The following VWF variants were observed in gnomAD, a reference collection of about 807,000 sequenced individuals.
VWF encodes Factor VIII related antigen.
A neutral mutation model predicts 308.6 loss-of-function variants in VWF; 176 were observed. The ratio of observed to expected loss-of-function variants is 0.57; its 90% CI spans 0.50 to 0.65. The LOEUF (loss-of-function observed/expected upper bound fraction) is 0.65, where lower values mean the gene tolerates loss of function less well. VWF is among the 30% of genes least tolerant of loss of function. The pLI is 0.00. For missense variants in VWF, 3,146 were observed against 3,648.2 expected (o/e 0.86, Z 3.55); for synonymous variants, 1,385 against 1,443.4 (o/e 0.96, Z 0.92).
chr12:6,031,421 G>A (rs1166408520), intron 21 of VWF, 23 bp downstream of exon 21: 4 of 1,613,982 alleles, frequency 2.5e-6, no homozygotes, highest in Non-Finnish European at 2.5e-6. Flanking sequence ...GGGACATGAG[G>A]GTGGAGATGA....
At chr12:6,016,266 A>G (rs920610027) in intron 30 of VWF, 34 bp from the exon 31 acceptor site, 5 of 1,614,224 alleles carry the variant, frequency 3.1e-6, no homozygotes, top group African/African-American at 1.3e-5. Flanking sequence ...CCAAGTCAGT[A>G]CTGACTGCGG....
chr12:6,023,509 C>T, intron 25 of VWF, 122 bp downstream of exon 25: 2 of 1,445,780 alleles, frequency 1.4e-6, no homozygotes, highest in Non-Finnish European at 1.9e-6. Context: ...GCCATCCAGT[C>T]CCTACTAACA....
chr12:6,057,786 C>A, intron 14 of VWF, 63 bp downstream of exon 14: 1 of 1,519,770 alleles, frequency 6.6e-7, no homozygotes, highest in East Asian at 2.3e-5. Flanking sequence ...CCGGAACGCA[C>A]TGCACTAATG....
chr12:5,994,661 T>G, intron 35 of VWF, 54 bp from the exon 36 acceptor site: 2 of 1,568,096 alleles, frequency 1.3e-6, no homozygotes, highest in Non-Finnish European at 1.8e-6. Context: ...GAATCCTAGG[T>G]TTTTAGGGAA....
chr12:5,969,076 G>A (rs1943438547), intron 45 of VWF, 135 bp downstream of exon 45: 1 of 955,570 alleles, frequency 1.0e-6, no homozygotes, highest in Admixed American at 2.2e-5. Flanking sequence ...AAAAGCAGTA[G>A]GAGCAGATGG....
At chr12:6,044,063 C>G (rs1037854161) in intron 18 of VWF, among the ~76,000 whole-genome samples, 2 of 152,124 alleles carry the variant, frequency 1.3e-5, no homozygotes, top group Non-Finnish European at 2.9e-5. Context: ...TTTGTCAGAT[C>G]CTGTGAGGAT....
At chr12:6,029,221 T>C in intron 22 of VWF, 121 bp downstream of exon 22, 1 of 1,262,146 alleles carries the variant, frequency 7.9e-7, no homozygotes, top group Non-Finnish European at 1.1e-6. Flanking sequence ...CCTAAATATA[T>C]ATGCACCCAA....
chr12:6,048,694 C>G (rs886186472), intron 16 of VWF, among the ~76,000 whole-genome samples: 1 of 150,106 alleles, frequency 6.7e-6, no homozygotes, highest in Non-Finnish European at 1.5e-5. Context: ...AACTCCTGAC[C>G]TCAAGTGATC....
intron 5 of VWF, among the ~76,000 whole-genome samples, chr12:6,100,442 C>T (rs371341804): frequency 1.0e-4 from 15 of 150,182 alleles, no homozygotes; most frequent in African/African-American, 3.0e-4. Flanking sequence ...CACATGCACA[C>T]GTGTGTTTAT....
At chr12:5,987,399 C>T (rs1204630465) in intron 38 of VWF, among the ~76,000 whole-genome samples, 1 of 152,126 alleles carries the variant, frequency 6.6e-6, no homozygotes, top group Non-Finnish European at 1.5e-5. Context: ...AACTGAGACA[C>T]CAAGAAGTTA....
intron 42 of VWF, among the ~76,000 whole-genome samples, chr12:5,978,134 T>C (rs1200281684): frequency 3.3e-5 from 5 of 149,436 alleles, no homozygotes; most frequent in Non-Finnish European, 7.4e-5. Flanking sequence ...TTTATAATAA[T>C]TATATGATAT....
chr12:5,953,134 G>A (rs1943212480), intron 48 of VWF, among the ~76,000 whole-genome samples: 1 of 152,126 alleles, frequency 6.6e-6, no homozygotes, highest in Non-Finnish European at 1.5e-5. Context: ...GGCTGAGACA[G>A]GGAAATCGCT....
At chr12:5,968,025 T>G in intron 46 of VWF, 102 bp downstream of exon 46, 1 of 1,529,622 alleles carries the variant, frequency 6.5e-7, no homozygotes, top group Non-Finnish European at 9.0e-7. Flanking sequence ...GTCTCTCTGG[T>G]TTCCTTCATT....
At chr12:6,123,100 C>T (rs372733785) in intron 2 of VWF, 42 bp downstream of exon 2, 25 of 1,613,052 alleles carry the variant, frequency 1.5e-5, no homozygotes, top group Middle Eastern at 1.7e-4. Flanking sequence ...CTCCAGATGG[C>T]CCTGGGGCAG....
At chr12:6,100,470 T>C (rs1373762032) in intron 5 of VWF, among the ~76,000 whole-genome samples, 4 of 151,202 alleles carry the variant, frequency 2.6e-5, no homozygotes, top group Non-Finnish European at 5.9e-5. Flanking sequence ...CTATTCACAA[T>C]AGCAAAGACT....
chr12:6,068,570 C>T (rs1944744649), intron 10 of VWF, among the ~76,000 whole-genome samples: 1 of 151,926 alleles, frequency 6.6e-6, no homozygotes, highest in Admixed American at 6.6e-5. Flanking sequence ...CCGGGGCTCT[C>T]ACAATTCTCC....
intron 50 of VWF, among the ~76,000 whole-genome samples, chr12:5,950,748 G>C (rs1300993987): frequency 2.6e-5 from 4 of 151,992 alleles, no homozygotes; most frequent in African/African-American, 9.7e-5. Flanking sequence ...CCTTATTAAA[G>C]ATCTCGAAGC....
rs1021553686 is a variant in VWF, at chr12:6,063,969, C to G, written c.1432+277G>C. ...CCTTTGGTTCAAGCCAAATAAAAAT[C>G]CTCTCGGTTCCCTTTTCCCATCTAC... On this transcript the variant is annotated intron_variant, in intron 12 of 51. Coordinates refer to ENST00000261405, the MANE Select transcript of VWF (RefSeq NM_000552.5). This position sits in a 1 kb window ranked among gnomAD's most constrained non-coding sequence, Gnocchi z 4.9. Among the ~76,000 whole-genome samples, 2 of 151,902 alleles carry G rather than the reference C, an allele frequency of 1.3e-5. No homozygotes were observed. Among genetic ancestry groups the G allele is most frequent in the Non-Finnish European group, 2.9e-5 (2 of 67,946 alleles).
At position 6,063,370 on chromosome 12, in the gene VWF, AG is replaced by A. The variant is rs1265044465; in HGVS notation, c.1433-317del. On this transcript the variant is annotated intron_variant, in intron 12 of 51. Transcript: ENST00000261405. The surrounding 1 kb of genome is among the most constrained non-coding windows in gnomAD (Gnocchi z 4.9). ...GCTGTAGGCAGGTGCCCTGGAGCAG[AG>A]GGGGATCTCTTTAGCATTGACACCA... Among the ~76,000 whole-genome samples, 1 of 152,088 alleles carries A rather than the reference AG, an allele frequency of 6.6e-6. No individual in the cohort carries two copies. Among genetic ancestry groups the A allele is most frequent in the Admixed American group, 6.5e-5 (1 of 15,270 alleles).
Sources: allele counts gnomAD v4.1 joint callset (sites outside exome capture counted in the v4.1 genomes callset), GRCh38; gene constraint gnomAD v4.1.1; non-coding constraint Gnocchi (gnomAD v3.1); transcripts MANE v1.5; gene names NCBI Gene and HGNC (gene_info 2026-07-23, HGNC 2026-07-21).